Variants in ABCC1 observed in about 807,000 individuals in gnomAD.
ABCC1 encodes the protein multidrug resistance-associated protein 1.
A neutral mutation model predicts 172.9 loss-of-function variants in ABCC1; 83 were observed. The observed-to-expected ratio is 0.48, with a 90% confidence interval of 0.40 to 0.58. ABCC1 has a LOEUF of 0.58. Ranked by LOEUF, ABCC1 falls within the 20% of genes least tolerant of loss-of-function variation. The pLI is 0.00. For missense variants in ABCC1, 1,817 were observed against 2,002.7 expected (o/e 0.91, Z 1.77); for synonymous variants, 937 against 825.2 (o/e 1.14, Z -2.32).
At chr16:16,132,347 A>AT (rs1352519961) in intron 27 of ABCC1, among the ~76,000 whole-genome samples, 10 of 148,372 alleles carry the variant, frequency 6.7e-5, no homozygotes, top group East Asian at 2.1e-4. Context: ...TAATTTTTGT[A>AT]TTTTTTGTAG....
At chr16:15,952,711 T>G (rs1438048305) in intron 1 of ABCC1, among the ~76,000 whole-genome samples, 8 of 94,278 alleles carry the variant, frequency 8.5e-5, no homozygotes, top group South Asian at 4.2e-4. Flanking sequence ...TTTTTGTGAG[T>G]TCATTAAAAA....
chr16:16,037,063 C>T (rs1348743241), intron 7 of ABCC1, among the ~76,000 whole-genome samples: 1 of 151,656 alleles, frequency 6.6e-6, no homozygotes, highest in Non-Finnish European at 1.5e-5. Flanking sequence ...GATTGTGCCA[C>T]TGCATACTAG....
intron 24 of ABCC1, 130 bp downstream of exon 24, chr16:16,122,304 A>C: frequency 1.1e-6 from 1 of 951,356 alleles, no homozygotes; most frequent in Non-Finnish European, 1.6e-6. Context: ...AAGGATGGAG[A>C]GGCTTGATGA....
intron 3 of ABCC1, among the ~76,000 whole-genome samples, chr16:16,010,106 C>A (rs1276821308): frequency 8.2e-6 from 1 of 121,644 alleles, no homozygotes. Context: ...TGCTATGGTA[C>A]CATCATAGTT....
chr16:16,078,597 T>G (rs557421268), intron 15 of ABCC1, among the ~76,000 whole-genome samples: 60 of 152,212 alleles, frequency 3.9e-4, no homozygotes, highest in Non-Finnish European at 7.1e-4. Flanking sequence ...TTACACCCTG[T>G]GCCTTCACCC....
At position 15,991,555 on chromosome 16, in the gene ABCC1, GC is replaced by G. The variant is rs1490464256; in HGVS notation, c.49-16260del. On this transcript the variant is annotated intron_variant, in intron 1 of 30. Transcript: ENST00000399410. ...TCGCCAAGCAGGACCCCCACTGCGG[GC>G]GGAGCTGCAGGGCCATCAACATTCA... Among the ~76,000 whole-genome samples, 5 of 152,160 alleles carry G rather than the reference GC, an allele frequency of 3.3e-5. No homozygotes were observed. The East Asian group carries it at 9.7e-4, about 29-fold the overall frequency.
chr16:15,964,948 C>T (rs1362241118), intron 1 of ABCC1, among the ~76,000 whole-genome samples: 1 of 152,054 alleles, frequency 6.6e-6, no homozygotes, highest in Non-Finnish European at 1.5e-5. Context: ...TTGTCTTTTT[C>T]CTGTTAGTTT....
intron 1 of ABCC1, among the ~76,000 whole-genome samples, chr16:15,977,983 C>G (rs2046530643): frequency 6.6e-6 from 1 of 152,146 alleles, no homozygotes; most frequent in South Asian, 2.1e-4. Flanking sequence ...GTGCCTTAGT[C>G]TCTTCCTCAG....
upstream of ABCC1, among the ~76,000 whole-genome samples, chr16:15,949,418 A>G (rs557801923): frequency 1.7e-4 from 25 of 150,894 alleles, 1 homozygote; most frequent in South Asian, 4.6e-3. Context: ...GGTGGGCCTA[A>G]GCCTTGGAGG....
chr16:16,080,924 G>A (rs1015559083), intron 16 of ABCC1, among the ~76,000 whole-genome samples: 4 of 152,022 alleles, frequency 2.6e-5, no homozygotes, highest in African/African-American at 4.8e-5. Context: ...GAGTGCAGTC[G>A]TGTGATCTTG....
chr16:16,044,764 C>T, intron 8 of ABCC1, 84 bp downstream of exon 8: 3 of 1,302,334 alleles, frequency 2.3e-6, no homozygotes, highest in South Asian at 2.5e-5. Flanking sequence ...ACCCTGGGGT[C>T]ATGCTGTGTC....
intron 10 of ABCC1, among the ~76,000 whole-genome samples, chr16:16,049,578 T>G (rs2049345226): frequency 1.3e-5 from 2 of 152,228 alleles, no homozygotes; most frequent in Admixed American, 6.5e-5. Flanking sequence ...CTACTTCCAT[T>G]GATTTACCCT....
At chr16:16,007,192 G>GT (rs35493923) in intron 1 of ABCC1, among the ~76,000 whole-genome samples, 10,062 of 150,534 alleles carry the variant, frequency 0.067, 352 homozygotes, top group Middle Eastern at 0.12. Flanking sequence ...TTGTTGGTGG[G>GT]TTTTTTTGTG....
At chr16:16,097,456 A>G (rs1310869506) in intron 19 of ABCC1, among the ~76,000 whole-genome samples, 1 of 152,174 alleles carries the variant, frequency 6.6e-6, no homozygotes, top group African/African-American at 2.4e-5. Flanking sequence ...CAGGACTAAG[A>G]AAAGAGCCTG....
At chr16:16,129,523 G>A (rs1026848460) in intron 26 of ABCC1, among the ~76,000 whole-genome samples, 1 of 150,742 alleles carries the variant, frequency 6.6e-6, no homozygotes, top group East Asian at 1.9e-4. Context: ...TGGCGGTGGT[G>A]GTGGGGTTTT....
At chr16:15,995,089 C>T (rs900667761) in intron 1 of ABCC1, among the ~76,000 whole-genome samples, 1 of 151,744 alleles carries the variant, frequency 6.6e-6, no homozygotes, top group East Asian at 2.0e-4. Flanking sequence ...CGAGACCACA[C>T]CATTGCACTC....
At chr16:16,006,923 G>A (rs1198057533) in intron 1 of ABCC1, among the ~76,000 whole-genome samples, 1 of 151,930 alleles carries the variant, frequency 6.6e-6, no homozygotes, top group Non-Finnish European at 1.5e-5. Flanking sequence ...TGATGGTGGT[G>A]ATGGTGGTGA....
intron 19 of ABCC1, among the ~76,000 whole-genome samples, chr16:16,096,163 A>T (rs1033067915): frequency 6.6e-6 from 1 of 151,820 alleles, no homozygotes; most frequent in African/African-American, 2.4e-5. Context: ...CGGGGGGCAG[A>T]GCTTGCAGTG....
At position 16,093,324 on chromosome 16, in the gene ABCC1, C is replaced by T. The variant is rs138648826; in HGVS notation, c.2644+2736C>T. Among the ~76,000 whole-genome samples the T allele has an allele frequency of 5.0e-3, 762 of 152,134 alleles. 6 individuals carry two copies. Among genetic ancestry groups the T allele is most frequent in the African/African-American group, 0.018 (730 of 41,476 alleles). On this transcript the variant is annotated intron_variant, in intron 19 of 30. Coordinates refer to ENST00000399410, the MANE Select transcript of ABCC1 (RefSeq NM_004996.4). ...CGTGAGGTCTGTCTCTCTACCCTTC[C>T]GTCCAGGTGAGCAAAAAATGTCCTT...
Sources: allele counts gnomAD v4.1 joint callset (sites outside exome capture counted in the v4.1 genomes callset), GRCh38; gene constraint gnomAD v4.1.1; transcripts MANE v1.5; gene names NCBI Gene and HGNC (gene_info 2026-07-23, HGNC 2026-07-21).